Variants in DCDC1 observed in about 807,000 individuals in gnomAD.
DCDC1 encodes doublecortin domain-containing protein 1.
DCDC1 carries 200 observed loss-of-function variants against 178.3 expected under a neutral mutation model. The ratio of observed to expected loss-of-function variants is 1.12; its 90% CI spans 1.00 to 1.26. The LOEUF (loss-of-function observed/expected upper bound fraction) is 1.26, where lower values mean the gene tolerates loss of function less well. Among genes scored for constraint, DCDC1 ranks in the 50% most tolerant of loss-of-function variants. The pLI, the probability that DCDC1 is intolerant of heterozygous loss-of-function variation, is 0.00. For synonymous variants in DCDC1, 690 were observed against 604.8 expected (o/e 1.14, Z -2.07); for missense variants, 1,983 against 1,749.2 (o/e 1.13, Z -2.38).
intron 15 of DCDC1, among the ~76,000 whole-genome samples, chr11:31,101,218 T>A (rs572555775): frequency 6.6e-6 from 1 of 152,338 alleles, no homozygotes; most frequent in South Asian, 2.1e-4. Context: ...GAGTGACTTT[T>A]GATTTTGATT....
At chr11:31,187,999 A>AT (rs1317289186) in intron 9 of DCDC1, among the ~76,000 whole-genome samples, 18 of 151,956 alleles carry the variant, frequency 1.2e-4, no homozygotes, top group South Asian at 4.2e-4. Flanking sequence ...ATCTTTTTTA[A>AT]TTTTTTTTCC....
intron 17 of DCDC1, among the ~76,000 whole-genome samples, chr11:31,084,232 G>C (rs1184360172): frequency 2.0e-5 from 3 of 152,008 alleles, no homozygotes; most frequent in Non-Finnish European, 4.4e-5. Context: ...TTAAGTACTA[G>C]TTCTATTATT....
intron 1 of DCDC1, among the ~76,000 whole-genome samples, chr11:31,356,177 G>T (rs896094299): frequency 1.3e-5 from 2 of 152,070 alleles, no homozygotes; most frequent in South Asian, 2.1e-4. Flanking sequence ...AAAGAACAAG[G>T]GGGAATTTTT....
intron 37 of DCDC1, among the ~76,000 whole-genome samples, 181 bp downstream of exon 37, chr11:30,880,977 C>G (rs1306082582): frequency 6.6e-6 from 1 of 152,158 alleles, no homozygotes; most frequent in African/African-American, 2.4e-5. Flanking sequence ...CCAGAGCAAA[C>G]AGTGTTAACA....
chr11:31,017,910 T>C (rs897940143), intron 20 of DCDC1, among the ~76,000 whole-genome samples: 3 of 152,222 alleles, frequency 2.0e-5, no homozygotes, highest in African/African-American at 4.8e-5. Context: ...ATTATTATCA[T>C]TAAAATGTTA....
intron 20 of DCDC1, among the ~76,000 whole-genome samples, chr11:31,017,477 C>A (rs1372063681): frequency 6.6e-6 from 1 of 151,922 alleles, no homozygotes; most frequent in Non-Finnish European, 1.5e-5. Flanking sequence ...TGTTAATCAA[C>A]CCTGTCTCAA....
intron 17 of DCDC1, among the ~76,000 whole-genome samples, chr11:31,089,432 G>A (rs1449087741): frequency 6.6e-6 from 1 of 151,940 alleles, no homozygotes; most frequent in African/African-American, 2.4e-5. Flanking sequence ...TGCTTCTTGT[G>A]CTTGGAATTT....
intron 20 of DCDC1, among the ~76,000 whole-genome samples, chr11:31,015,704 T>C (rs1461366956): frequency 1.3e-5 from 2 of 152,208 alleles, no homozygotes; most frequent in Non-Finnish European, 2.9e-5. Flanking sequence ...ACATCCTTAA[T>C]ACGCTTTGTG....
intron 8 of DCDC1, among the ~76,000 whole-genome samples, chr11:31,254,068 T>C (rs191658613): frequency 3.9e-5 from 6 of 152,284 alleles, no homozygotes; most frequent in Middle Eastern, 3.4e-3. Context: ...CTGAAAGTTA[T>C]AGGGCAAAAT....
intron 11 of DCDC1, among the ~76,000 whole-genome samples, chr11:31,118,815 A>G (rs1264734175): frequency 6.6e-6 from 1 of 152,220 alleles, no homozygotes; most frequent in African/African-American, 2.4e-5. Context: ...CTGCACAGGG[A>G]AAGCCTGTCT....
intron 9 of DCDC1, among the ~76,000 whole-genome samples, chr11:31,148,224 A>AAC (rs1555084519): frequency 1.3e-5 from 2 of 150,844 alleles, no homozygotes; most frequent in African/African-American, 4.9e-5. Flanking sequence ...AAAAAAAAAA[A>AAC]AAAAAAAAAA....
chr11:31,147,653 C>T (rs1591214791), intron 9 of DCDC1, among the ~76,000 whole-genome samples: 1 of 152,198 alleles, frequency 6.6e-6, no homozygotes, highest in Non-Finnish European at 1.5e-5. Context: ...TCGCTCAGAT[C>T]TTCCAAATTC....
At chr11:31,252,433 AT>A (rs1313052152) in intron 8 of DCDC1, among the ~76,000 whole-genome samples, 1 of 152,172 alleles carries the variant, frequency 6.6e-6, no homozygotes, top group Non-Finnish European at 1.5e-5. Flanking sequence ...GTGAAAATAA[AT>A]TTGGGGGCTT....
intron 6 of DCDC1, among the ~76,000 whole-genome samples, chr11:31,292,485 A>G (rs1352865711): frequency 2.0e-5 from 3 of 152,160 alleles, no homozygotes; most frequent in Non-Finnish European, 4.4e-5. Flanking sequence ...AACCTCAAAA[A>G]CATGCTAAAT....
intron 12 of DCDC1, among the ~76,000 whole-genome samples, chr11:31,108,844 T>A (rs1463239467): frequency 6.6e-6 from 1 of 152,128 alleles, no homozygotes; most frequent in African/African-American, 2.4e-5. Context: ...CTTCACCCAT[T>A]TATCTTTAAA....
intron 9 of DCDC1, among the ~76,000 whole-genome samples, chr11:31,225,623 AT>A (rs1031501393): frequency 3.3e-5 from 5 of 150,078 alleles, no homozygotes; most frequent in African/African-American, 1.2e-4. Flanking sequence ...TGTAATATAT[AT>A]AATATAAAAT....
chr11:31,076,234 T>A (rs1956858232), intron 18 of DCDC1, among the ~76,000 whole-genome samples: 1 of 152,212 alleles, frequency 6.6e-6, no homozygotes, highest in Non-Finnish European at 1.5e-5. Context: ...GTGTTCAAGT[T>A]CTGAGATTCT....
At chr11:31,026,383 C>A (rs1031698337) in intron 20 of DCDC1, among the ~76,000 whole-genome samples, 1 of 151,768 alleles carries the variant, frequency 6.6e-6, no homozygotes, top group African/African-American at 2.4e-5. Context: ...GAAATGATCA[C>A]CAATCCCAAG....
At chr11:31,130,792 G>T (rs1175731270) in intron 10 of DCDC1, among the ~76,000 whole-genome samples, 1 of 152,004 alleles carries the variant, frequency 6.6e-6, no homozygotes, top group Non-Finnish European at 1.5e-5. Flanking sequence ...GTGAAATTTG[G>T]ACAAAACTTT....
Sources: allele counts gnomAD v4.1 joint callset (sites outside exome capture counted in the v4.1 genomes callset), GRCh38; gene constraint gnomAD v4.1.1; transcripts MANE v1.5; gene names NCBI Gene and HGNC (gene_info 2026-07-23, HGNC 2026-07-21).